KPNA3: variants seen among roughly 807,000 people sequenced by gnomAD.
KPNA3 encodes karyopherin subunit alpha 3.
Under a neutral mutation model 73.8 loss-of-function variants are expected in KPNA3, and 13 were observed. The observed-to-expected ratio is 0.18, with a 90% confidence interval of 0.11 to 0.28. KPNA3 has a LOEUF of 0.28. Ranked by LOEUF, KPNA3 falls within the 10% of genes least tolerant of loss-of-function variation. The pLI, the probability that KPNA3 is intolerant of heterozygous loss-of-function variation, is 1.00. For missense variants in KPNA3, 360 were observed against 618.1 expected, an observed-to-expected ratio of 0.58 and a Z score of 4.43; for synonymous variants, 186 against 206.9, an observed-to-expected ratio of 0.90 and a Z score of 0.87.
At chr13:49,776,710 A>G (rs1192824216) in intron 1 of KPNA3, among the ~76,000 whole-genome samples, 1 of 152,218 alleles carries the variant, frequency 6.6e-6, no homozygotes, top group Admixed American at 6.5e-5. Flanking sequence ...TATTTATTGA[A>G]AAATGCTTCT....
chr13:49,780,178 T>C (rs1250394229), intron 1 of KPNA3, among the ~76,000 whole-genome samples: 3 of 152,104 alleles, frequency 2.0e-5, no homozygotes, highest in Non-Finnish European at 4.4e-5. Context: ...GTGAGCAAAA[T>C]CTAGACCCCC....
At chr13:49,758,284 A>C (rs1211114203) in intron 1 of KPNA3, among the ~76,000 whole-genome samples, 1 of 152,216 alleles carries the variant, frequency 6.6e-6, no homozygotes. Context: ...ACTGCGTATG[A>C]ATATGACAAA....
At chr13:49,724,162 C>A (rs1954386488) in intron 7 of KPNA3, among the ~76,000 whole-genome samples, 1 of 152,174 alleles carries the variant, frequency 6.6e-6, no homozygotes. Context: ...ACACCACATT[C>A]ACTTTATCCA....
At chr13:49,703,415 C>CAA (rs1291645625) in intron 15 of KPNA3, among the ~76,000 whole-genome samples, 1 of 150,886 alleles carries the variant, frequency 6.6e-6, no homozygotes, top group Non-Finnish European at 1.5e-5. Flanking sequence ...CTCCTGACCT[C>CAA]GTGATTCGCC....
Position 49,792,435 on chromosome 13 carries a change from C to T in KPNA3, c.69+3G>A, listed in dbSNP as rs1955042612. ...CGGGCCCAGACCGCGGAAGCACACT[C>T]ACTTCCACATCGCGGCCCTTGTTCT... On this transcript the variant is annotated splice_donor_region_variant and intron_variant, in intron 1 of 16. Coordinates refer to ENST00000261667, the MANE Select transcript of KPNA3 (RefSeq NM_002267.4). 1.3e-6 allele frequency: 2 copies of T among 1,567,918 alleles called. No individual in the cohort carries two copies. Among genetic ancestry groups the T allele is most frequent in the Middle Eastern group, 1.7e-4 (1 of 5,916 alleles).
intron 6 of KPNA3, among the ~76,000 whole-genome samples, chr13:49,728,654 A>C (rs980137106): frequency 2.0e-5 from 3 of 152,226 alleles, no homozygotes; most frequent in African/African-American, 7.2e-5. Context: ...AAAGGTAATG[A>C]CTAAAAAGTT....
At chr13:49,731,338 C>G (rs1340078644) in intron 6 of KPNA3, among the ~76,000 whole-genome samples, 1 of 150,528 alleles carries the variant, frequency 6.6e-6, no homozygotes, top group Non-Finnish European at 1.5e-5. Context: ...ATCCACCTAC[C>G]TCGGCCTCCC....
intron 1 of KPNA3, among the ~76,000 whole-genome samples, chr13:49,751,666 T>C (rs1407559474): frequency 6.6e-6 from 1 of 152,114 alleles, no homozygotes; most frequent in African/African-American, 2.4e-5. Flanking sequence ...CCCAGAACTT[T>C]GGGAGGCCGA....
intron 1 of KPNA3, among the ~76,000 whole-genome samples, chr13:49,791,081 AC>A (rs1426673143): frequency 6.6e-6 from 1 of 152,116 alleles, no homozygotes; most frequent in Non-Finnish European, 1.5e-5. Flanking sequence ...TCTTTATTTG[AC>A]TCATTTAAAT....
intron 15 of KPNA3, among the ~76,000 whole-genome samples, chr13:49,704,279 C>T (rs929643167): frequency 4.6e-5 from 7 of 151,700 alleles, no homozygotes; most frequent in Non-Finnish European, 8.8e-5. Flanking sequence ...AAAATTTAGC[C>T]GGGCGTGGTG....
At chr13:49,757,624 C>A (rs1954722522) in intron 1 of KPNA3, among the ~76,000 whole-genome samples, 1 of 152,060 alleles carries the variant, frequency 6.6e-6, no homozygotes, top group Non-Finnish European at 1.5e-5. Context: ...TTAAAGTACA[C>A]ATGTAACAAC....
chr13:49,723,546 G>A (rs1014980883), intron 7 of KPNA3, among the ~76,000 whole-genome samples: 1 of 148,636 alleles, frequency 6.7e-6, no homozygotes, highest in African/African-American at 2.5e-5. Context: ...TCCAGCCTGG[G>A]TGACAGAGCA....
At chr13:49,780,587 C>CAA (rs1954933171) in intron 1 of KPNA3, among the ~76,000 whole-genome samples, 1 of 152,126 alleles carries the variant, frequency 6.6e-6, no homozygotes, top group Non-Finnish European at 1.5e-5. Flanking sequence ...ATAACCAAAG[C>CAA]AATGCTTCTA....
At chr13:49,780,671 C>A (rs1280939560) in intron 1 of KPNA3, among the ~76,000 whole-genome samples, 2 of 151,782 alleles carry the variant, frequency 1.3e-5, no homozygotes, top group Non-Finnish European at 2.9e-5. Flanking sequence ...TCTTGTCTGT[C>A]CTACCCAAAT....
chr13:49,757,147 G>A (rs9535326), intron 1 of KPNA3, among the ~76,000 whole-genome samples: 36,364 of 151,868 alleles, frequency 0.24, 5,200 homozygotes, highest in Non-Finnish European at 0.32. Flanking sequence ...AAACTTGACC[G>A]TAAAAAGCAT....
chr13:49,723,699 G>A (rs573567033), intron 7 of KPNA3, among the ~76,000 whole-genome samples: 6 of 151,644 alleles, frequency 4.0e-5, no homozygotes, highest in South Asian at 2.1e-4. Flanking sequence ...GTGAAACCCC[G>A]TCTCTACTAA....
At chr13:49,735,567 G>T (rs1954514728) in intron 2 of KPNA3, among the ~76,000 whole-genome samples, 1 of 152,092 alleles carries the variant, frequency 6.6e-6, no homozygotes, top group South Asian at 2.1e-4. Flanking sequence ...CCTGAAAACT[G>T]CACTACAATA....
chr13:49,733,137 A>G, intron 2 of KPNA3, 91 bp from the exon 3 acceptor site: 1 of 788,916 alleles, frequency 1.3e-6, no homozygotes, highest in Non-Finnish European at 2.2e-6. Context: ...TTAGGCAATT[A>G]TGAAACAAAT....
At chr13:49,745,505 G>A (rs1182599516) in intron 2 of KPNA3, among the ~76,000 whole-genome samples, 1 of 151,804 alleles carries the variant, frequency 6.6e-6, no homozygotes, top group Non-Finnish European at 1.5e-5. Flanking sequence ...AACTACAGGT[G>A]TGTGCCACCA....
Sources: gnomAD v4.1 joint callset for allele counts (sites outside exome capture counted in the v4.1 genomes callset) on GRCh38, gnomAD v4.1.1 for gene constraint, MANE v1.5 for transcripts, NCBI Gene and HGNC (gene_info 2026-07-23, HGNC 2026-07-21) for gene names.